The following STXBP5L variants were observed in gnomAD, a reference collection of about 807,000 sequenced individuals.
STXBP5L encodes syntaxin binding protein 5L.
Under a neutral mutation model 144.5 loss-of-function variants are expected in STXBP5L, and 65 were observed. The observed-to-expected ratio is 0.45, with a 90% CI of 0.37 to 0.55. The LOEUF is 0.55. STXBP5L is among the 20% of genes least tolerant of loss of function. The probability of loss-of-function intolerance (pLI) is 0.00; values close to 1 mark genes in which losing one functional copy is unlikely to be tolerated. For missense variants in STXBP5L, 1,298 were observed against 1,405.5 expected (o/e 0.92, Z 1.22); for synonymous variants, 505 against 469.6 (o/e 1.08, Z -0.97).
At chr3:120,984,038 C>T (rs1219065508) in intron 3 of STXBP5L, among the ~76,000 whole-genome samples, 1 of 152,128 alleles carries the variant, frequency 6.6e-6, no homozygotes, top group Non-Finnish European at 1.5e-5. Flanking sequence ...CAGCATCCTG[C>T]TCTTTGTTCC....
chr3:121,180,349 A>T (rs982585857), intron 9 of STXBP5L, among the ~76,000 whole-genome samples: 1 of 152,208 alleles, frequency 6.6e-6, no homozygotes, highest in East Asian at 1.9e-4. Flanking sequence ...AGCTTCATTA[A>T]TGAAGGAGAG....
At position 121,098,774 on chromosome 3, in the gene STXBP5L, G is replaced by A. The variant is rs1453886956; in HGVS notation, c.471-16151G>A. 3.9e-5 allele frequency among the ~76,000 whole-genome samples: 6 copies of A among 152,282 alleles called. No homozygotes were observed. The East Asian group carries it at 5.8e-4, about 15-fold the overall frequency. ...TGGCCAGGTTCAAAAGACCACTCTG[G>A]CCATTGTTCCCTACAAGGAATCCAG... On this transcript the variant is annotated intron_variant, in intron 5 of 26. Transcript: ENST00000471454.
chr3:121,131,356 G>A (rs2044980592), intron 7 of STXBP5L, among the ~76,000 whole-genome samples: 1 of 152,156 alleles, frequency 6.6e-6, no homozygotes. Flanking sequence ...TTAAGAAAAT[G>A]AGAAAGTTAT....
At chr3:121,352,516 G>A (rs1198666709) in intron 20 of STXBP5L, among the ~76,000 whole-genome samples, 1 of 152,008 alleles carries the variant, frequency 6.6e-6, no homozygotes, top group Non-Finnish European at 1.5e-5. Flanking sequence ...ATGATTGTGA[G>A]TTTTGTACAT....
At chr3:121,390,807 G>C (rs970184245) in intron 22 of STXBP5L, among the ~76,000 whole-genome samples, 3 of 151,966 alleles carry the variant, frequency 2.0e-5, no homozygotes, top group Admixed American at 6.6e-5. Flanking sequence ...CTCTCTGGCT[G>C]CCCTTAACAT....
At chr3:121,371,280 C>A (rs979787171) in intron 20 of STXBP5L, among the ~76,000 whole-genome samples, 3 of 152,090 alleles carry the variant, frequency 2.0e-5, no homozygotes, top group South Asian at 2.1e-4. Context: ...TTTTGGGGAC[C>A]AAGGCTCAGC....
At chr3:121,212,209 T>G (rs1219004164) in intron 10 of STXBP5L, among the ~76,000 whole-genome samples, 2 of 152,218 alleles carry the variant, frequency 1.3e-5, no homozygotes, top group Non-Finnish European at 2.9e-5. Context: ...ACAGAAGATC[T>G]TTACTTTAAT....
chr3:121,092,468 C>T (rs539821813), intron 5 of STXBP5L, among the ~76,000 whole-genome samples: 230 of 152,208 alleles, frequency 1.5e-3, no homozygotes, highest in Non-Finnish European at 2.7e-3. Flanking sequence ...TTGTAGTTCT[C>T]CTTGAAGAGG....
chr3:121,185,866 G>A (rs549105718), intron 9 of STXBP5L, among the ~76,000 whole-genome samples: 5 of 152,138 alleles, frequency 3.3e-5, no homozygotes, highest in Non-Finnish European at 7.3e-5. Flanking sequence ...AGATGGCATT[G>A]AATCTATAAA....
Position 121,378,928 on chromosome 3 carries a change from T to C in STXBP5L, c.2347+42T>C, listed in dbSNP as rs1054435916. ...AAATTTTTTTGTTACAGTTAAAATTTGGTTTACAATGGTAATGGGAACAGA... is the reference window on the plus strand; with the variant it reads ...AAATTTTTTTGTTACAGTTAAAATTCGGTTTACAATGGTAATGGGAACAGA... On this transcript the variant is annotated intron_variant, in intron 21 of 26. Coordinates refer to ENST00000471454, the MANE Select transcript of STXBP5L (RefSeq NM_001308330.2). 4 of 1,573,884 alleles carry C rather than the reference T, an allele frequency of 2.5e-6. No homozygotes were observed. The Admixed American group carries it at 5.3e-5, about 21-fold the overall frequency.
At chr3:121,329,377 G>T (rs997907175) in intron 20 of STXBP5L, among the ~76,000 whole-genome samples, 9 of 152,160 alleles carry the variant, frequency 5.9e-5, no homozygotes, top group Admixed American at 4.6e-4. Flanking sequence ...TGGCATGTGG[G>T]AGCAAGAACT....
intron 14 of STXBP5L, among the ~76,000 whole-genome samples, chr3:121,243,453 G>A (rs1372483137): frequency 2.0e-5 from 3 of 151,560 alleles, no homozygotes; most frequent in African/African-American, 7.3e-5. Context: ...TACAAAGTCA[G>A]TCCATAAGGA....
intron 20 of STXBP5L, among the ~76,000 whole-genome samples, chr3:121,363,523 G>T (rs2045775877): frequency 6.6e-6 from 1 of 152,048 alleles, no homozygotes; most frequent in Non-Finnish European, 1.5e-5. Flanking sequence ...TTACCTTTCT[G>T]CTCTAACAGG....
chr3:121,317,044 A>G (rs778461954), intron 19 of STXBP5L, among the ~76,000 whole-genome samples: 10 of 152,144 alleles, frequency 6.6e-5, no homozygotes, highest in South Asian at 2.1e-4. Flanking sequence ...ACTTTTTCCT[A>G]ATTTGTATAT....
chr3:120,971,774 G>T (rs11918177), intron 3 of STXBP5L, among the ~76,000 whole-genome samples: 2 of 119,652 alleles, frequency 1.7e-5, no homozygotes, highest in South Asian at 2.4e-4. Context: ...GTGTATATAT[G>T]TGTATGTATA....
chr3:121,051,608 G>A lies in STXBP5L; in HGVS notation c.470+6073G>A, dbSNP rs185711903. On this transcript the variant is annotated intron_variant, in intron 5 of 26. Transcript: ENST00000471454. ...AGCAGTGTGTAGAGGGAAATTTATA[G>A]CACTAAATGCCCACAAGAGAAAGCA... Among the ~76,000 whole-genome samples, 650 of 152,220 alleles carry A rather than the reference G, an allele frequency of 4.3e-3. 5 individuals are homozygous for A. Among genetic ancestry groups the A allele is most frequent in the African/African-American group, 0.015 (614 of 41,524 alleles).
intron 20 of STXBP5L, among the ~76,000 whole-genome samples, chr3:121,346,016 C>G (rs535523719): frequency 2.6e-5 from 4 of 151,786 alleles, no homozygotes; most frequent in African/African-American, 4.8e-5. Flanking sequence ...GGGTTTGTTG[C>G]ATATGTGTAC....
At chr3:121,337,222 C>A (rs2044538809) in intron 20 of STXBP5L, among the ~76,000 whole-genome samples, 1 of 151,942 alleles carries the variant, frequency 6.6e-6, no homozygotes, top group Non-Finnish European at 1.5e-5. Context: ...TATAACAAAT[C>A]AGCACATATA....
intron 3 of STXBP5L, among the ~76,000 whole-genome samples, chr3:120,980,117 A>T (rs1941593473): frequency 6.6e-6 from 1 of 152,106 alleles, no homozygotes; most frequent in African/African-American, 2.4e-5. Context: ...AGTTTTATTG[A>T]CACTTGTTTT....
Sources: gnomAD v4.1 joint callset for allele counts (sites outside exome capture counted in the v4.1 genomes callset) on GRCh38, gnomAD v4.1.1 for gene constraint, MANE v1.5 for transcripts, NCBI Gene and HGNC (gene_info 2026-07-23, HGNC 2026-07-21) for gene names.